Variants in CNTNAP2 observed in about 807,000 individuals in gnomAD.
CNTNAP2 encodes contactin-associated protein-like 2.
Under a neutral mutation model 155.2 loss-of-function variants are expected in CNTNAP2, and 98 were observed. That is an observed-to-expected ratio of 0.63 (90% CI 0.54 to 0.75). CNTNAP2 has a LOEUF of 0.75. Ranked by LOEUF, CNTNAP2 falls within the 30% of genes least tolerant of loss-of-function variation. The probability of loss-of-function intolerance (pLI) is 0.00; values close to 1 mark genes in which losing one functional copy is unlikely to be tolerated. For missense variants in CNTNAP2, 1,727 were observed against 1,688.1 expected, an observed-to-expected ratio of 1.02 and a Z score of -0.40; for synonymous variants, 651 against 631.2, an observed-to-expected ratio of 1.03 and a Z score of -0.47.
intron 8 of CNTNAP2, among the ~76,000 whole-genome samples, chr7:147,177,939 G>T (rs1039511671): frequency 6.6e-6 from 1 of 151,996 alleles, no homozygotes; most frequent in African/African-American, 2.4e-5. Context: ...TTACGTCTAG[G>T]CTGTATGATC....
chr7:146,747,526 C>A (rs1290778622), intron 1 of CNTNAP2, among the ~76,000 whole-genome samples: 1 of 151,964 alleles, frequency 6.6e-6, no homozygotes, highest in Non-Finnish European at 1.5e-5. Flanking sequence ...AAATGCATAC[C>A]ACTCCTTAAT....
At chr7:146,774,600 G>T (rs773612421) in intron 2 of CNTNAP2, among the ~76,000 whole-genome samples, 1 of 152,030 alleles carries the variant, frequency 6.6e-6, no homozygotes, top group Non-Finnish European at 1.5e-5. Context: ...GAGATAGTAC[G>T]TCAAAAAGGA....
At chr7:146,930,553 A>ACAT (rs1352062485) in intron 3 of CNTNAP2, among the ~76,000 whole-genome samples, 1 of 151,584 alleles carries the variant, frequency 6.6e-6, no homozygotes, top group Admixed American at 6.6e-5. Context: ...TAACCAGCTA[A>ACAT]CATAATGACA....
At chr7:146,599,840 A>G (rs1442294440) in intron 1 of CNTNAP2, among the ~76,000 whole-genome samples, 1 of 83,332 alleles carries the variant, frequency 1.2e-5, no homozygotes, top group Non-Finnish European at 2.4e-5. Context: ...AATATAAGAC[A>G]CTAAATTTTT....
chr7:147,523,721 C>T (rs541416526), intron 11 of CNTNAP2, among the ~76,000 whole-genome samples: 2 of 152,318 alleles, frequency 1.3e-5, no homozygotes, highest in African/African-American at 2.4e-5. Context: ...TCTCCCTCTT[C>T]GGGCTCTTAT....
intron 1 of CNTNAP2, among the ~76,000 whole-genome samples, chr7:146,185,964 T>G (rs1458826270): frequency 6.6e-6 from 1 of 152,108 alleles, no homozygotes; most frequent in Admixed American, 6.6e-5. Context: ...TCAGGCATTT[T>G]TATTTATGTA....
intron 13 of CNTNAP2, among the ~76,000 whole-genome samples, chr7:147,721,875 G>A (rs1326543881): frequency 3.9e-5 from 6 of 152,090 alleles, no homozygotes; most frequent in Non-Finnish European, 8.8e-5. Context: ...CATCAGTCAA[G>A]TTCTGAAACA....
chr7:148,066,702 G>C (rs2116521889), intron 15 of CNTNAP2, among the ~76,000 whole-genome samples: 1 of 152,078 alleles, frequency 6.6e-6, no homozygotes, highest in African/African-American at 2.4e-5. Context: ...GTTTCACCGT[G>C]TTAGCCAGGA....
intron 21 of CNTNAP2, among the ~76,000 whole-genome samples, chr7:148,329,543 G>A (rs1797949621): frequency 6.6e-6 from 1 of 152,212 alleles, no homozygotes; most frequent in Admixed American, 6.5e-5. Context: ...ACACAGGACA[G>A]AGGCTGAAGA....
intron 12 of CNTNAP2, among the ~76,000 whole-genome samples, chr7:147,633,421 GC>G (rs1307534752): frequency 1.3e-5 from 2 of 152,180 alleles, no homozygotes; most frequent in Non-Finnish European, 2.9e-5. Flanking sequence ...TGGGGTTGGA[GC>G]CCCCACACAA....
At chr7:146,294,862 G>A (rs1205800694) in intron 1 of CNTNAP2, among the ~76,000 whole-genome samples, 3 of 152,110 alleles carry the variant, frequency 2.0e-5, no homozygotes, top group Non-Finnish European at 4.4e-5. Flanking sequence ...GGAACTCTAA[G>A]TTACTAAAAT....
At chr7:146,668,722 C>T (rs188706292) in intron 1 of CNTNAP2, among the ~76,000 whole-genome samples, 10 of 152,128 alleles carry the variant, frequency 6.6e-5, no homozygotes, top group Admixed American at 4.6e-4. Flanking sequence ...CTGGTCCAAT[C>T]TTGGTAAGTT....
intron 3 of CNTNAP2, among the ~76,000 whole-genome samples, chr7:146,849,501 G>A (rs760995326): frequency 6.6e-6 from 1 of 152,152 alleles, no homozygotes; most frequent in Non-Finnish European, 1.5e-5. Context: ...TATAGAACAA[G>A]ATAGCATGGG....
chr7:146,647,781 C>G (rs1026002302), intron 1 of CNTNAP2, among the ~76,000 whole-genome samples: 2 of 151,924 alleles, frequency 1.3e-5, no homozygotes, highest in African/African-American at 2.4e-5. Context: ...GCTTTCATAT[C>G]TCTTTACCTA....
chr7:146,837,701 T>C (rs750734933), intron 2 of CNTNAP2, among the ~76,000 whole-genome samples: 4 of 152,204 alleles, frequency 2.6e-5, no homozygotes. Flanking sequence ...GTGTCAAGTT[T>C]TGTTCCATCA....
intron 12 of CNTNAP2, among the ~76,000 whole-genome samples, chr7:147,571,898 A>C (rs1201974334): frequency 6.6e-6 from 1 of 152,086 alleles, no homozygotes; most frequent in Non-Finnish European, 1.5e-5. Context: ...TGGTTAACCC[A>C]CTCAGAGAAT....
intron 13 of CNTNAP2, among the ~76,000 whole-genome samples, chr7:147,711,944 A>T (rs1796405933): frequency 6.6e-6 from 1 of 152,196 alleles, no homozygotes; most frequent in South Asian, 2.1e-4. Flanking sequence ...ATAGTGTTAT[A>T]AAAAGACTGT....
intron 3 of CNTNAP2, among the ~76,000 whole-genome samples, chr7:147,006,756 G>A (rs895771970): frequency 1.3e-5 from 2 of 152,044 alleles, no homozygotes; most frequent in Admixed American, 6.6e-5. Context: ...GAGAACATGA[G>A]GCTCCTGTCA....
intron 13 of CNTNAP2, among the ~76,000 whole-genome samples, chr7:147,683,040 C>G (rs898804885): frequency 6.6e-6 from 1 of 151,808 alleles, no homozygotes; most frequent in African/African-American, 2.4e-5. Context: ...TGGCAAGATA[C>G]CAAATGGAAT....
Sources: allele counts gnomAD v4.1 joint callset (sites outside exome capture counted in the v4.1 genomes callset), GRCh38; gene constraint gnomAD v4.1.1; transcripts MANE v1.5; gene names NCBI Gene and HGNC (gene_info 2026-07-23, HGNC 2026-07-21).